SHLD1: variants seen among roughly 807,000 people sequenced by gnomAD.
The protein encoded by SHLD1 is RINN1-REV7-interacting novel NHEJ regulator 3.
A neutral mutation model predicts 5.5 loss-of-function variants in SHLD1; 3 were observed. The observed-to-expected ratio is 0.54, with a 90% confidence interval of 0.25 to 1.40. The LOEUF (loss-of-function observed/expected upper bound fraction) is 1.40. Among genes scored for constraint, SHLD1 ranks in the 40% most tolerant of loss-of-function variants. SHLD1 has a pLI of 0.15. For synonymous variants in SHLD1, 92 were observed against 94.3 expected (o/e 0.98, Z 0.14); for missense variants, 210 against 244.4 (o/e 0.86, Z 0.94).
intron 1 of SHLD1, among the ~76,000 whole-genome samples, chr20:5,753,908 C>T (rs982247532): frequency 5.3e-5 from 8 of 152,188 alleles, no homozygotes; most frequent in Admixed American, 6.5e-5. Context: ...GAGCTTTTCT[C>T]TTTTGCCTAT....
At chr20:5,832,113 G>T (rs748121173) in intron 2 of SHLD1, among the ~76,000 whole-genome samples, 1 of 152,176 alleles carries the variant, frequency 6.6e-6, no homozygotes, top group Non-Finnish European at 1.5e-5. Context: ...GCAAATTTTT[G>T]TATTTTCAAT....
At chr20:5,778,618 A>AAT (rs957140257) in intron 2 of SHLD1, among the ~76,000 whole-genome samples, 6 of 151,736 alleles carry the variant, frequency 4.0e-5, no homozygotes, top group African/African-American at 1.5e-4. Context: ...AAAAAAAAAA[A>AAT]AAATAAGGAC....
chr20:5,857,953 G>T (rs2088111456), intron 2 of SHLD1, among the ~76,000 whole-genome samples: 2 of 152,110 alleles, frequency 1.3e-5, no homozygotes, highest in Non-Finnish European at 2.9e-5. Context: ...CAAAAAATTA[G>T]CCGGGCATGG....
intron 2 of SHLD1, among the ~76,000 whole-genome samples, chr20:5,816,207 T>C (rs1450165103): frequency 2.0e-5 from 3 of 152,074 alleles, no homozygotes; most frequent in Non-Finnish European, 2.9e-5. Flanking sequence ...AAATTTCAAC[T>C]CTATATTTTT....
At position 5,825,425 on chromosome 20, in the gene SHLD1, T is replaced by G. The variant is rs116652127; in HGVS notation, c.179-37599T>G. Reference sequence around the variant, plus strand: ...AGCTAGCACATTTAACAGCCCGCAGTGCAAATGAAAAATACATAGGTCTGA... The same window carrying G: ...AGCTAGCACATTTAACAGCCCGCAGGGCAAATGAAAAATACATAGGTCTGA... On this transcript the variant is annotated intron_variant, in intron 2 of 2. Coordinates refer to ENST00000303142, the MANE Select transcript of SHLD1 (RefSeq NM_152504.4). Among the ~76,000 whole-genome samples, 325 of 152,332 alleles carry G rather than the reference T, an allele frequency of 2.1e-3. 2 individuals carry two copies. The highest frequency in any genetic ancestry group is 7.7e-3 in the African/African-American group (319 of 41,574).
At chr20:5,857,788 A>G (rs1287008) in intron 2 of SHLD1, among the ~76,000 whole-genome samples, 112,689 of 151,520 alleles carry the variant, frequency 0.74, 42,121 homozygotes, top group African/African-American at 0.83. Flanking sequence ...CAACCTGGGG[A>G]CAACAGAGCA....
chr20:5,779,069 G>T (rs1018114728), intron 2 of SHLD1, among the ~76,000 whole-genome samples: 1 of 152,052 alleles, frequency 6.6e-6, no homozygotes, highest in African/African-American at 2.4e-5. Flanking sequence ...CAGGCATGGT[G>T]GTGGGCACCT....
At chr20:5,842,649 C>T (rs906795799) in intron 2 of SHLD1, among the ~76,000 whole-genome samples, 4 of 152,182 alleles carry the variant, frequency 2.6e-5, no homozygotes, top group African/African-American at 9.7e-5. Flanking sequence ...GTTGGACCAT[C>T]TCACTTTGAC....
At chr20:5,812,928 G>A (rs1261689027) in intron 2 of SHLD1, among the ~76,000 whole-genome samples, 2 of 151,970 alleles carry the variant, frequency 1.3e-5, no homozygotes, top group South Asian at 2.1e-4. Flanking sequence ...AGGCTGGAGT[G>A]CAGTGATATA....
At chr20:5,803,597 G>A (rs758195936) in intron 2 of SHLD1, among the ~76,000 whole-genome samples, 8 of 152,142 alleles carry the variant, frequency 5.3e-5, no homozygotes, top group Non-Finnish European at 1.0e-4. Flanking sequence ...AGGGCCAGTC[G>A]CGGTGGCTCA....
chr20:5,802,250 C>T (rs1047716410), intron 2 of SHLD1, among the ~76,000 whole-genome samples: 3 of 151,898 alleles, frequency 2.0e-5, no homozygotes, highest in East Asian at 1.9e-4. Context: ...TTGCTCTTTG[C>T]ACCTTCTCAG....
At position 5,774,182 on chromosome 20, in the gene SHLD1, C is replaced by T. The variant is rs147310579; in HGVS notation, c.178+1139C>T. On this transcript the variant is annotated intron_variant, in intron 2 of 2. Transcript: ENST00000303142. The stretch of plus-strand genomic sequence containing the variant: ...TCGTGCCACTTCACTCCAGTCTGAG[C>T]GAAAGAGCAAAACTCTGTCTCAAAA... 1.4e-4 allele frequency among the ~76,000 whole-genome samples: 21 copies of T among 151,914 alleles called. No homozygotes were observed. In the East Asian group the frequency reaches 2.5e-3, roughly 18 times the overall value.
At chr20:5,779,621 C>G (rs868034940) in intron 2 of SHLD1, among the ~76,000 whole-genome samples, 1 of 152,184 alleles carries the variant, frequency 6.6e-6, no homozygotes, top group Admixed American at 6.5e-5. Context: ...GTTTGATGTT[C>G]TCTCTTGCTT....
chr20:5,844,801 T>TATATATATA (rs1568529085), intron 2 of SHLD1, among the ~76,000 whole-genome samples: 5 of 121,026 alleles, frequency 4.1e-5, no homozygotes, highest in Admixed American at 7.8e-5. Flanking sequence ...ATATATATAT[T>TATATATATA]TTTTTTTTTT....
intron 2 of SHLD1, among the ~76,000 whole-genome samples, chr20:5,860,076 C>T (rs1391068082): frequency 3.3e-5 from 5 of 151,998 alleles, no homozygotes; most frequent in African/African-American, 4.8e-5. Flanking sequence ...CCCACCCACC[C>T]CATTGGCCCT....
At chr20:5,809,536 C>A (rs2087428974) in intron 2 of SHLD1, among the ~76,000 whole-genome samples, 1 of 152,086 alleles carries the variant, frequency 6.6e-6, no homozygotes, top group South Asian at 2.1e-4. Context: ...CCAATACAGT[C>A]AAAGCTCAGC....
At chr20:5,814,824 A>C (rs1033573734) in intron 2 of SHLD1, among the ~76,000 whole-genome samples, 2 of 151,042 alleles carry the variant, frequency 1.3e-5, no homozygotes, top group Non-Finnish European at 3.0e-5. Flanking sequence ...CACCACACCC[A>C]CTAATTTTTT....
rs2088192055 is a variant in SHLD1, at chr20:5,863,476, AGT to A, written c.*17_*18del. 6.3e-7 allele frequency: 1 copy of A among 1,578,802 alleles called. No individual in the cohort carries two copies. Among genetic ancestry groups the A allele is most frequent in the South Asian group, 1.2e-5 (1 of 83,078 alleles). ...GAAAGACCTGTAACTGGTGCCGGGC[AGT>A]GTGCAGGGTAGTAATGGAGGTGCTG... On this transcript the variant is annotated 3_prime_UTR_variant, in exon 3 of 3. Transcript: ENST00000303142.
At chr20:5,788,106 CA>C in intron 2 of SHLD1, among the ~76,000 whole-genome samples, 1 of 152,248 alleles carries the variant, frequency 6.6e-6, no homozygotes, top group Middle Eastern at 3.4e-3. Flanking sequence ...ACCATGTATG[CA>C]ATTATGGCTT....
Sources: allele counts gnomAD v4.1 joint callset (sites outside exome capture counted in the v4.1 genomes callset), GRCh38; gene constraint gnomAD v4.1.1; transcripts MANE v1.5; gene names NCBI Gene and HGNC (gene_info 2026-07-23, HGNC 2026-07-21).